HEG1: variants seen among roughly 807,000 people sequenced by gnomAD.
HEG1 encodes the protein protein HEG homolog 1.
In HEG1, 56 loss-of-function variants were observed where a neutral mutation model predicts 125.6. The observed-to-expected ratio is 0.45, with a 90% CI of 0.36 to 0.56. The LOEUF (loss-of-function observed/expected upper bound fraction) is 0.56. Among genes scored for constraint, HEG1 ranks in the 20% least tolerant of loss-of-function variants. The pLI, the probability that HEG1 is intolerant of heterozygous loss-of-function variation, is 0.00. For synonymous variants in HEG1, 644 were observed against 668.5 expected, an observed-to-expected ratio of 0.96 and a Z score of 0.57; for missense variants, 1,523 against 1,670.0, an observed-to-expected ratio of 0.91 and a Z score of 1.53.
At chr3:124,992,778 T>C (rs898229735) in intron 12 of HEG1, among the ~76,000 whole-genome samples, 2 of 152,262 alleles carry the variant, frequency 1.3e-5, no homozygotes, top group African/African-American at 4.8e-5. Context: ...TAGAGTGTTG[T>C]GGAATACAGT....
intron 5 of HEG1, among the ~76,000 whole-genome samples, chr3:125,017,746 C>T (rs1014120554): frequency 6.6e-6 from 1 of 152,014 alleles, no homozygotes; most frequent in Non-Finnish European, 1.5e-5. Flanking sequence ...TATGGCCAGG[C>T]ATGGTGGCTC....
At chr3:125,051,833 G>C (rs78876674) in intron 1 of HEG1, among the ~76,000 whole-genome samples, 4,677 of 152,308 alleles carry the variant, frequency 0.031, 110 homozygotes, top group South Asian at 0.094. Flanking sequence ...CTCTGGACAA[G>C]GACAAGTTAA....
In HEG1 at chr3:125,009,796, G is replaced by A. The variant is rs1472919502; in HGVS notation, c.3102C>T (p.Cys1034=). The change falls in exon 8 of 17, where the codon TGC becomes TGT. Residue 1034 remains cysteine, a synonymous_variant. Transcript: ENST00000311127. ...VDVNECLSNP[C]PSTAMCNNTQ... ...TATTGTTGCACATGGCTGTGGATGG[G>A]CAGGGGTTCGACAGGCACTCATTCA... The A allele has an allele frequency of 6.2e-7, 1 of 1,613,406 alleles. No homozygotes were observed. Among genetic ancestry groups the A allele is most frequent in the Non-Finnish European group, 8.5e-7 (1 of 1,179,492 alleles).
At chr3:124,979,807 C>T (rs1272461239) in intron 14 of HEG1, among the ~76,000 whole-genome samples, 1 of 152,198 alleles carries the variant, frequency 6.6e-6, no homozygotes, top group East Asian at 1.9e-4. Flanking sequence ...ACAGGGCTGA[C>T]ACCTTCCTCC....
intron 8 of HEG1, among the ~76,000 whole-genome samples, chr3:125,008,780 G>A (rs1333521587): frequency 1.3e-5 from 2 of 151,724 alleles, no homozygotes; most frequent in Non-Finnish European, 2.9e-5. Context: ...CTGGGCAACA[G>A]AGTGAGACTC....
chr3:124,981,493 G>A (rs889886634), intron 14 of HEG1, among the ~76,000 whole-genome samples: 8 of 152,164 alleles, frequency 5.3e-5, no homozygotes, highest in African/African-American at 9.7e-5. Context: ...TCCCGTCTGC[G>A]TCTCAGTCAC....
chr3:125,007,068 G>A (rs994222008), intron 8 of HEG1, among the ~76,000 whole-genome samples: 7 of 150,754 alleles, frequency 4.6e-5, no homozygotes, highest in South Asian at 2.1e-4. Context: ...GCGTAGTGGC[G>A]GGCGCCTGTA....
chr3:124,973,616 C>A (rs751849051), intron 16 of HEG1, 115 bp downstream of exon 16: 68 of 739,436 alleles, frequency 9.2e-5, no homozygotes, highest in Middle Eastern at 6.9e-4. Context: ...GAGGTTCATG[C>A]CACTACTCTT....
In HEG1 at chr3:125,012,773, C is replaced by T. The variant is rs763980344; in HGVS notation, c.2806G>A (p.Glu936Lys). The T allele has an allele frequency of 6.2e-7, 1 of 1,613,928 alleles. No homozygotes were observed. The highest frequency in any genetic ancestry group is 8.5e-7 in the Non-Finnish European group (1 of 1,179,916). ...AGGGAACGTGAAGCTGGGCTGTACTCTGCTGTAACGCCAAGCTTTGTGGTC... is the reference window on the plus strand; with the variant it reads ...AGGGAACGTGAAGCTGGGCTGTACTTTGCTGTAACGCCAAGCTTTGTGGTC... The part of the protein sequence containing the change: ...EMTTKLGVTA[E>K]YSPASRSLGT... Residue 936 changes from glutamate to lysine, a missense_variant, in exon 6 of 17, where the codon GAG becomes AAG. Transcript: ENST00000311127.
At chr3:125,012,169 G>A (rs980529130) in intron 6 of HEG1, among the ~76,000 whole-genome samples, 1 of 152,174 alleles carries the variant, frequency 6.6e-6, no homozygotes, top group African/African-American at 2.4e-5. Context: ...CCCTGACTCA[G>A]AGACTCTGGG....
At chr3:124,970,970 A>C in intron 16 of HEG1, 169 bp from the exon 17 acceptor site, 1 of 658,260 alleles carries the variant, frequency 1.5e-6, no homozygotes, top group Non-Finnish European at 2.6e-6. Flanking sequence ...TTCTCTCTGG[A>C]GCACAACCCA....
chr3:125,032,616 C>G (rs532320908), intron 1 of HEG1, among the ~76,000 whole-genome samples: 7 of 152,364 alleles, frequency 4.6e-5, no homozygotes, highest in Admixed American at 4.6e-4. Flanking sequence ...CCTCTGGGAG[C>G]TGCGAAGGCA....
chr3:125,020,692 C>G, intron 4 of HEG1, 100 bp downstream of exon 4: 1 of 986,418 alleles, frequency 1.0e-6, no homozygotes, highest in Non-Finnish European at 1.5e-6. Context: ...AAAAAGCACA[C>G]TTTTCTCTGG....
chr3:125,020,068 A>G (rs1560027974), intron 4 of HEG1, among the ~76,000 whole-genome samples: 2 of 152,236 alleles, frequency 1.3e-5, no homozygotes, highest in South Asian at 4.1e-4. Context: ...ATTTGGGAAT[A>G]ATATTTATAT....
At chr3:125,025,156 G>T (rs1274203178) in intron 3 of HEG1, among the ~76,000 whole-genome samples, 2 of 152,332 alleles carry the variant, frequency 1.3e-5, no homozygotes, top group Middle Eastern at 3.4e-3. Flanking sequence ...TCAACATTTA[G>T]ATTCAAGGGG....
Position 125,021,093 on chromosome 3 carries a change from G to T in HEG1, c.951C>A (p.Gly317=), listed in dbSNP as rs771319944. 1 of 1,591,642 alleles carries T rather than the reference G, an allele frequency of 6.3e-7. No individual in the cohort carries two copies. The highest frequency in any genetic ancestry group is 8.6e-7 in the Non-Finnish European group (1 of 1,168,230). ...TTTGACTGACTGAGGAGCTCTGGAGGCCAGTGGAGTTGTTAAGCTTCTCTG... is the reference window on the plus strand; with the variant it reads ...TTTGACTGACTGAGGAGCTCTGGAGTCCAGTGGAGTTGTTAAGCTTCTCTG... The part of the protein sequence containing the change: ...ESTEKLNNST[G]LQSSSVSQTK... Residue 317 remains glycine, a synonymous_variant, in exon 4 of 17, where the codon GGC becomes GGA. Transcript: ENST00000311127.
chr3:125,042,492 G>C (rs1937601409), intron 1 of HEG1, among the ~76,000 whole-genome samples: 1 of 152,218 alleles, frequency 6.6e-6, no homozygotes, highest in South Asian at 2.1e-4. Context: ...AAGACACTGT[G>C]AGGGTTACAC....
intron 14 of HEG1, among the ~76,000 whole-genome samples, chr3:124,980,051 C>T (rs1936620717): frequency 6.6e-6 from 1 of 152,240 alleles, no homozygotes; most frequent in African/African-American, 2.4e-5. Flanking sequence ...CTCTTCCTTA[C>T]CTCCCAACAC....
intron 1 of HEG1, among the ~76,000 whole-genome samples, chr3:125,038,416 C>T (rs1937565983): frequency 6.6e-6 from 1 of 152,084 alleles, no homozygotes; most frequent in Admixed American, 6.5e-5. Context: ...CTCCGGGTAC[C>T]CCTCTATCTC....
Sources: gnomAD v4.1 joint callset for allele counts (sites outside exome capture counted in the v4.1 genomes callset) on GRCh38, gnomAD v4.1.1 for gene constraint, MANE v1.5 for transcripts, NCBI Gene and HGNC (gene_info 2026-07-23, HGNC 2026-07-21) for gene names.